Variants in DGKI observed in about 807,000 individuals in gnomAD.
DGKI encodes diacylglycerol kinase iota, also known as DAG kinase iota.
In DGKI, 55 loss-of-function variants were observed where a neutral mutation model predicts 147.5. That is an observed-to-expected ratio of 0.37 (90% CI 0.30 to 0.47). DGKI has a LOEUF of 0.47. Among genes scored for constraint, DGKI ranks in the 20% least tolerant of loss-of-function variants. The probability of loss-of-function intolerance (pLI) is 1.00; values close to 1 mark genes in which losing one functional copy is unlikely to be tolerated. For missense variants in DGKI, 1,007 were observed against 1,323.8 expected, an observed-to-expected ratio of 0.76 and a Z score of 3.71; for synonymous variants, 469 against 477.1, an observed-to-expected ratio of 0.98 and a Z score of 0.22.
chr7:137,728,451 AG>A (rs1321307579), intron 1 of DGKI, among the ~76,000 whole-genome samples: 1 of 152,196 alleles, frequency 6.6e-6, no homozygotes, highest in African/African-American at 2.4e-5. Flanking sequence ...AGTCTGTATG[AG>A]AAGCAATAGT....
At chr7:137,484,633 A>G (rs1815488837) in intron 23 of DGKI, among the ~76,000 whole-genome samples, 1 of 152,080 alleles carries the variant, frequency 6.6e-6, no homozygotes, top group East Asian at 1.9e-4. Flanking sequence ...AATCTAATGC[A>G]TAAGAGGATG....
intron 28 of DGKI, among the ~76,000 whole-genome samples, chr7:137,427,151 T>C (rs1159665503): frequency 1.3e-5 from 2 of 152,058 alleles, no homozygotes; most frequent in Admixed American, 6.5e-5. Context: ...TAGTTGGAAG[T>C]AAAGCTCTCC....
chr7:137,691,029 A>G (rs1352396912), intron 1 of DGKI, among the ~76,000 whole-genome samples: 1 of 152,186 alleles, frequency 6.6e-6, no homozygotes, highest in Non-Finnish European at 1.5e-5. Flanking sequence ...CTTTTCCCCT[A>G]TAATAATATC....
At chr7:137,672,718 C>A (rs1206052190) in intron 3 of DGKI, among the ~76,000 whole-genome samples, 1 of 151,060 alleles carries the variant, frequency 6.6e-6, no homozygotes, top group Admixed American at 6.6e-5. Context: ...CTAATTCCTG[C>A]CCCCATCACC....
chr7:137,494,189 T>C (rs1815877962), intron 21 of DGKI, among the ~76,000 whole-genome samples: 1 of 152,148 alleles, frequency 6.6e-6, no homozygotes, highest in Admixed American at 6.5e-5. Context: ...ACCAAGTCTA[T>C]GACTTATCAG....
chr7:137,577,120 C>G (rs1020473718), intron 17 of DGKI, 102 bp downstream of exon 17: 23 of 814,782 alleles, frequency 2.8e-5, no homozygotes, highest in Non-Finnish European at 4.3e-5. Context: ...CTCCAAAGTT[C>G]TATGCAGTCC....
At chr7:137,576,661 G>C (rs1403480723) in intron 17 of DGKI, among the ~76,000 whole-genome samples, 1 of 152,170 alleles carries the variant, frequency 6.6e-6, no homozygotes, top group Non-Finnish European at 1.5e-5. Flanking sequence ...GGAAGAAACA[G>C]CACATACACA....
At chr7:137,638,493 C>CATAT (rs1289071291) in intron 6 of DGKI, among the ~76,000 whole-genome samples, 1 of 109,458 alleles carries the variant, frequency 9.1e-6, no homozygotes, top group Non-Finnish European at 1.8e-5. Flanking sequence ...TATATACACA[C>CATAT]ATATATATGT....
chr7:137,525,764 C>A (rs186486319), intron 20 of DGKI, among the ~76,000 whole-genome samples: 15 of 152,228 alleles, frequency 9.9e-5, no homozygotes, highest in Admixed American at 9.8e-4. Context: ...TTCTGAAAAT[C>A]GTTCTCCTAG....
intron 23 of DGKI, among the ~76,000 whole-genome samples, chr7:137,481,814 T>C (rs1053439435): frequency 6.6e-6 from 1 of 152,048 alleles, no homozygotes; most frequent in Admixed American, 6.6e-5. Flanking sequence ...TAGAAAACAG[T>C]CAGCTAAAAC....
At chr7:137,428,588 A>C (rs993794765) in intron 28 of DGKI, among the ~76,000 whole-genome samples, 5 of 152,296 alleles carry the variant, frequency 3.3e-5, no homozygotes, top group Admixed American at 2.0e-4. Flanking sequence ...AGGGTATTCA[A>C]TTAGGAAAAG....
At chr7:137,775,402 G>T (rs768077230) in intron 1 of DGKI, among the ~76,000 whole-genome samples, 1 of 152,116 alleles carries the variant, frequency 6.6e-6, no homozygotes, top group Non-Finnish European at 1.5e-5. Flanking sequence ...TTCTACCAAG[G>T]TACCTCTGCC....
intron 18 of DGKI, among the ~76,000 whole-genome samples, chr7:137,571,949 AG>A (rs1405079115): frequency 6.6e-6 from 1 of 152,246 alleles, no homozygotes; most frequent in African/African-American, 2.4e-5. Flanking sequence ...CTGAGAATCA[AG>A]GCCTTCTACT....
intron 1 of DGKI, among the ~76,000 whole-genome samples, chr7:137,803,582 A>G (rs1042759049): frequency 6.6e-6 from 1 of 152,154 alleles, no homozygotes; most frequent in Non-Finnish European, 1.5e-5. Context: ...ACATTTATAT[A>G]CAGGCATCTT....
At chr7:137,586,595 A>C (rs1819407707) in intron 13 of DGKI, among the ~76,000 whole-genome samples, 1 of 152,152 alleles carries the variant, frequency 6.6e-6, no homozygotes, top group South Asian at 2.1e-4. Flanking sequence ...AGCTTGCCTG[A>C]AGTTGGCTTC....
chr7:137,583,616 C>T (rs149129344), intron 14 of DGKI, among the ~76,000 whole-genome samples: 1 of 152,186 alleles, frequency 6.6e-6, no homozygotes, highest in African/African-American at 2.4e-5. Flanking sequence ...CTTTAATTAT[C>T]TGGATTGGTG....
At chr7:137,451,166 A>T (rs1373548416) in intron 27 of DGKI, among the ~76,000 whole-genome samples, 1 of 151,084 alleles carries the variant, frequency 6.6e-6, no homozygotes, top group East Asian at 1.9e-4. Context: ...TCTGTGTTTG[A>T]GGCAGTCAGC....
At chr7:137,434,117 TCA>T (rs1491294414) in intron 28 of DGKI, among the ~76,000 whole-genome samples, 1 of 105,386 alleles carries the variant, frequency 9.5e-6, no homozygotes, top group Non-Finnish European at 1.9e-5. Context: ...AAACTCCATC[TCA>T]AAAAAAAAAA....
At chr7:137,722,268 A>G (rs905369036) in intron 1 of DGKI, 5 of 1,608,478 alleles carry the variant, frequency 3.1e-6, no homozygotes, top group Middle Eastern at 1.7e-4. Context: ...CTGTTACAAA[A>G]CCAGTTGGTG....
Sources: allele counts gnomAD v4.1 joint callset (sites outside exome capture counted in the v4.1 genomes callset), GRCh38; gene constraint gnomAD v4.1.1; transcripts MANE v1.5; gene names NCBI Gene and HGNC (gene_info 2026-07-23, HGNC 2026-07-21).